Variants in IRAG1 observed in about 807,000 individuals in gnomAD.
IRAG1 encodes inositol 1,4,5-triphosphate receptor associated 1, also known as IP3R-associated cGMP kinase substrate.
Under a neutral mutation model 106.2 loss-of-function variants are expected in IRAG1, and 62 were observed. The observed-to-expected ratio is 0.58, with a 90% CI of 0.48 to 0.72. IRAG1 has a LOEUF of 0.72. Ranked by LOEUF, IRAG1 falls within the 30% of genes least tolerant of loss-of-function variation. The probability of loss-of-function intolerance (pLI) is 0.00; values close to 1 mark genes in which losing one functional copy is unlikely to be tolerated. For missense variants in IRAG1, 1,064 were observed against 1,140.7 expected, an observed-to-expected ratio of 0.93 and a Z score of 0.97; for synonymous variants, 462 against 443.9, an observed-to-expected ratio of 1.04 and a Z score of -0.51.
intron 18 of IRAG1, 49 bp downstream of exon 18, chr11:10,591,499 A>C (rs1852666255): frequency 1.3e-6 from 2 of 1,507,978 alleles, no homozygotes. Flanking sequence ...AAAATGGGGA[A>C]AATTTCCTGA....
At chr11:10,675,744 C>T (rs1198699638) in intron 1 of IRAG1, among the ~76,000 whole-genome samples, 1 of 152,234 alleles carries the variant, frequency 6.6e-6, no homozygotes, top group Non-Finnish European at 1.5e-5. Flanking sequence ...TCTTCCCTGA[C>T]TGACAAATGC....
chr11:10,634,186 ACAAATG>A (rs760123896), intron 2 of IRAG1, 115 bp from the exon 3 acceptor site: 3 of 541,076 alleles, frequency 5.5e-6, no homozygotes, highest in Non-Finnish European at 9.9e-6. Flanking sequence ...TGATAAGGGG[ACAAATG>A]CAGTTTACTC....
rs1477038266 is a variant in IRAG1, at chr11:10,609,753, G to A, written c.1546C>T (p.Arg516Trp). ...NISDVLLRKL[R>W]VHRSLPGSAP... ...CTTCCAGGGAGACTCCTGTGGACCC[G>A]CAGTTTGCGCAGCAGCACATCAGAA... The change falls in exon 11 of 21, where the codon CGG (arginine) becomes TGG (tryptophan). Residue 516 changes from arginine to tryptophan, a missense_variant. By Grantham distance (101) the Arg-to-Trp change is moderately radical. Transcript: ENST00000423302. 7 of 1,613,626 alleles carry A rather than the reference G, an allele frequency of 4.3e-6. No individual in the cohort carries two copies. The East Asian group carries it at 6.7e-5, about 15-fold the overall frequency.
At chr11:10,591,682 T>A (rs370566593) in intron 17 of IRAG1, 70 bp from the exon 18 acceptor site, 1 of 1,370,618 alleles carries the variant, frequency 7.3e-7, no homozygotes. Context: ...CTGCTGGATT[T>A]CTGATGATGC....
In IRAG1 at chr11:10,604,645, G is replaced by C; in HGVS notation, c.1603-100C>G. 3 of 1,410,746 alleles carry C rather than the reference G, an allele frequency of 2.1e-6. No individual in the cohort carries two copies. The South Asian group carries it at 3.8e-5, about 18-fold the overall frequency. 87.4% of individuals were successfully genotyped at this position (1,410,746 alleles called of 1,614,324 possible). On this transcript the variant is annotated intron_variant, in intron 12 of 20. Transcript: ENST00000423302. ...GCACGAGCGTTTTGCAACGGCCCCT[G>C]GAACAGCCGCCAAAGCACCAAAGCA...
chr11:10,580,339 G>T (rs1210347759), intron 20 of IRAG1, 116 bp downstream of exon 20: 7 of 1,504,492 alleles, frequency 4.7e-6, no homozygotes, highest in East Asian at 2.3e-5. Context: ...ACTCACTGGG[G>T]CCCCAGATTC....
At chr11:10,639,551 C>T (rs1260309836) in intron 2 of IRAG1, among the ~76,000 whole-genome samples, 1 of 152,136 alleles carries the variant, frequency 6.6e-6, no homozygotes, top group Admixed American at 6.5e-5. Flanking sequence ...TCTCAAAGAA[C>T]ATGAAAGGGG....
rs1850741471 is a variant in IRAG1 at position 10,574,889 on chromosome 11, T to A, written c.*1443A>T. The A allele has an allele frequency of 6.6e-6, 1 of 152,188 alleles. No homozygotes were observed. The highest frequency in any genetic ancestry group is 1.5e-5 in the Non-Finnish European group (1 of 68,040). 9.4% of individuals were successfully genotyped at this position (152,188 alleles called of 1,614,324 possible). On this transcript the variant is annotated 3_prime_UTR_variant, in exon 21 of 21. Transcript: ENST00000423302. ...GGGGTGTCCTTGTCAAGTTACTTGT[T>A]CTTTTTGTGCTTCAGTTTCCTTATT...
chr11:10,630,965 T>C (rs913977629), intron 4 of IRAG1, among the ~76,000 whole-genome samples: 4 of 152,114 alleles, frequency 2.6e-5, no homozygotes, highest in South Asian at 4.1e-4. Context: ...TGTGAAGCCA[T>C]TGAGGGGCAA....
intron 1 of IRAG1, among the ~76,000 whole-genome samples, chr11:10,668,105 C>T (rs1236889304): frequency 6.6e-6 from 1 of 152,204 alleles, no homozygotes; most frequent in African/African-American, 2.4e-5. Context: ...GCCATCCCCC[C>T]ATCTGTCTCC....
chr11:10,590,030 T>C (rs1319146062), intron 18 of IRAG1, among the ~76,000 whole-genome samples: 6 of 151,726 alleles, frequency 4.0e-5, no homozygotes, highest in Non-Finnish European at 8.8e-5. Context: ...AGGCCTAGAG[T>C]TGGGAAAGGG....
chr11:10,599,069 T>C (rs1853651391), intron 15 of IRAG1, among the ~76,000 whole-genome samples: 1 of 152,142 alleles, frequency 6.6e-6, no homozygotes. Context: ...TGGAAACAAA[T>C]ATCAGAAAAA....
chr11:10,579,319 G>A (rs1851154903), intron 20 of IRAG1, among the ~76,000 whole-genome samples: 2 of 152,144 alleles, frequency 1.3e-5, no homozygotes, highest in African/African-American at 4.8e-5. Flanking sequence ...TTTGTTGCAT[G>A]CATGTGGTTT....
rs781663642 is a variant in IRAG1, at chr11:10,652,132, C to T, written c.118G>A (p.Val40Ile). The change falls in exon 2 of 21, where the codon GTT becomes ATT. Residue 40 changes from valine (V) to isoleucine (I), a missense_variant. Transcript: ENST00000423302. ...TGGGAGTGGCCACGTGTGCCCGGAA[C>T]CTCCGCTGCGTCAGCCCCAAAGATG... Reference protein sequence around the residue: ...WSIFGADAAEVPGTRGHSQQE... With the variant: ...WSIFGADAAEIPGTRGHSQQE... The T allele has an allele frequency of 6.2e-7, 1 of 1,612,790 alleles. No individual in the cohort carries two copies. The highest frequency in any genetic ancestry group is 8.5e-7 in the Non-Finnish European group (1 of 1,179,534).
intron 18 of IRAG1, among the ~76,000 whole-genome samples, chr11:10,591,256 G>A (rs1852632794): frequency 1.3e-5 from 2 of 152,120 alleles, no homozygotes; most frequent in Non-Finnish European, 2.9e-5. Context: ...CCATTGAGTT[G>A]GGGCTTTATT....
chr11:10,645,277 T>C (rs529413593), intron 2 of IRAG1, among the ~76,000 whole-genome samples: 41 of 152,344 alleles, frequency 2.7e-4, no homozygotes, highest in African/African-American at 8.9e-4. Flanking sequence ...GGGGTATTTT[T>C]GGAATAGAAA....
At position 10,626,476 on chromosome 11, in the gene IRAG1, T is replaced by G. The variant is rs1254253284; in HGVS notation, c.858A>C (p.Ala286=). The G allele has an allele frequency of 1.2e-6, 2 of 1,613,844 alleles. No individual in the cohort carries two copies. The highest frequency in any genetic ancestry group is 1.7e-6 in the Non-Finnish European group (2 of 1,179,822). The change falls in exon 9 of 21, where the codon GCA becomes GCC. Residue 286 remains alanine (A), a synonymous_variant. Transcript: ENST00000423302. ...GATCGAAGTTTTCCTTTTGTTCTATTGCAATCTCTTTGGACTTCTCAACTG... is the reference window on the plus strand; with the variant it reads ...GATCGAAGTTTTCCTTTTGTTCTATGGCAATCTCTTTGGACTTCTCAACTG... ...PPPVEKSKEI[A]IEQKENFDPL... is the part of the protein sequence containing the mutation.
In IRAG1 at chr11:10,657,383, C is replaced by T. The variant is rs12286093; in HGVS notation, c.68-5201G>A. Among the ~76,000 whole-genome samples, 3,446 of 152,266 alleles carry T rather than the reference C, an allele frequency of 0.023. 121 individuals are homozygous for T. The highest frequency in any genetic ancestry group is 0.079 in the African/African-American group (3,273 of 41,532). On this transcript the variant is annotated intron_variant, in intron 1 of 20. Transcript: ENST00000423302. The surrounding 1 kb of genome is among the most constrained non-coding windows in gnomAD (Gnocchi z 4.1). Reference sequence around the variant, plus strand: ...TTCTCGGCAGGCAGCAGCAGCCTCTCATCATGGCGCCAAAGATGCCTCTCC... The same window carrying T: ...TTCTCGGCAGGCAGCAGCAGCCTCTTATCATGGCGCCAAAGATGCCTCTCC...
chr11:10,582,131 T>G, intron 18 of IRAG1, 145 bp from the exon 19 acceptor site: 1 of 1,045,006 alleles, frequency 9.6e-7, no homozygotes, highest in Non-Finnish European at 1.3e-6. Context: ...CCAATCCTTC[T>G]ACCCTGAGAC....
Sources: allele counts gnomAD v4.1 joint callset (sites outside exome capture counted in the v4.1 genomes callset), GRCh38; gene constraint gnomAD v4.1.1; non-coding constraint Gnocchi (gnomAD v3.1); transcripts MANE v1.5; gene names NCBI Gene and HGNC (gene_info 2026-07-23, HGNC 2026-07-21).